The following SRP72 variants were observed in gnomAD, a reference collection of about 807,000 sequenced individuals.
The protein encoded by SRP72 is signal recognition particle 72, also known as signal recognition particle subunit SRP72.
A neutral mutation model predicts 96.3 loss-of-function variants in SRP72; 49 were observed. The observed-to-expected ratio is 0.51, with a 90% CI of 0.40 to 0.65. The LOEUF is 0.65. SRP72 is among the 30% of genes least tolerant of loss of function. The pLI is 0.00. For missense variants in SRP72, 736 were observed against 793.3 expected, an observed-to-expected ratio of 0.93 and a Z score of 0.87; for synonymous variants, 267 against 275.2, an observed-to-expected ratio of 0.97 and a Z score of 0.30.
At chr4:56,486,140 C>T (rs1480556841) in intron 10 of SRP72, 185 bp from the exon 11 acceptor site, 2 of 497,382 alleles carry the variant, frequency 4.0e-6, no homozygotes, top group Non-Finnish European at 7.3e-6. Context: ...ACTTTTAGAG[C>T]ATACCTTTAA....
chr4:56,494,694 G>A (rs1721019256), intron 16 of SRP72, among the ~76,000 whole-genome samples: 1 of 152,010 alleles, frequency 6.6e-6, no homozygotes, highest in Admixed American at 6.6e-5. Context: ...GTGAGCCACT[G>A]TTCCCAGCCA....
At chr4:56,500,470 T>C (rs1721224670) in intron 17 of SRP72, 66 bp from the exon 18 acceptor site, 1 of 1,492,734 alleles carries the variant, frequency 6.7e-7, no homozygotes, top group African/African-American at 1.4e-5. Context: ...CTTAGAGACA[T>C]CGTTTAAACA....
At chr4:56,484,004 A>C (rs912736974) in intron 9 of SRP72, among the ~76,000 whole-genome samples, 11 of 141,966 alleles carry the variant, frequency 7.7e-5, no homozygotes, top group Non-Finnish European at 1.4e-4. Flanking sequence ...CAGAAGTTTT[A>C]GTGGGAGACA....
chr4:56,483,949 T>C lies in SRP72; in HGVS notation c.957+679T>C, dbSNP rs10016054. 6.4e-3 allele frequency among the ~76,000 whole-genome samples: 974 copies of C among 151,778 alleles called. 13 individuals are homozygous for C. Among genetic ancestry groups the C allele is most frequent in the African/African-American group, 0.022 (922 of 41,382 alleles). On this transcript the variant is annotated intron_variant, in intron 9 of 18. Coordinates refer to ENST00000642900, the MANE Select transcript of SRP72 (RefSeq NM_006947.4). ...TTATAAATGTTAAGGAAGTCAATTC[T>C]AACTCCAGTAAGCATTCTAATTCTA...
intron 5 of SRP72, 192 bp downstream of exon 5, chr4:56,474,583 G>T: frequency 1.7e-6 from 1 of 603,390 alleles, no homozygotes; most frequent in African/African-American, 1.9e-5. Flanking sequence ...TTACCCTGTT[G>T]CCCAGGCTGG....
chr4:56,491,398 ATAT>A (rs756641575), intron 15 of SRP72, 30 bp from the exon 16 acceptor site: 2 of 1,606,890 alleles, frequency 1.2e-6, no homozygotes, highest in Non-Finnish European at 1.7e-6. Flanking sequence ...GTGTTTGTGT[ATAT>A]TATGTTCCTG....
In SRP72 at chr4:56,471,814, G is replaced by C; in HGVS notation, c.325G>C (p.Asp109His). ...KTIESANQQT[D>H]KLKELYGQVL... ...AATAGAAAGTGCCAACCAGCAGACA[G>C]ACAAACTGAAGGAGCTTTATGGACA... The change falls in exon 3 of 19, where the codon GAC (aspartate) becomes CAC (histidine). Residue 109 changes from aspartate to histidine, a missense_variant. Asp to His is a moderately conservative substitution (Grantham distance 81). This residue lies in a region of SRP72 where 329 missense variants were observed against 319.0 expected (regional missense o/e 1.03). Coordinates refer to ENST00000642900, the MANE Select transcript of SRP72 (RefSeq NM_006947.4). 1 of 1,613,988 alleles carries C rather than the reference G, an allele frequency of 6.2e-7. No homozygotes were observed. Among genetic ancestry groups the C allele is most frequent in the Non-Finnish European group, 8.5e-7 (1 of 1,179,956 alleles).
intron 1 of SRP72, among the ~76,000 whole-genome samples, 178 bp downstream of exon 1, chr4:56,467,922 G>C (rs1719806953): frequency 6.6e-6 from 1 of 152,124 alleles, no homozygotes; most frequent in Admixed American, 6.5e-5. Context: ...CTCACTCCTC[G>C]GCTTCACCAG....
At chr4:56,497,489 G>C (rs1721118132) in intron 17 of SRP72, among the ~76,000 whole-genome samples, 2 of 152,014 alleles carry the variant, frequency 1.3e-5, no homozygotes, top group African/African-American at 2.4e-5. Flanking sequence ...AAAGTGCTGG[G>C]ATTACAGGCG....
At chr4:56,477,566 T>C (rs959370609) in intron 6 of SRP72, among the ~76,000 whole-genome samples, 5 of 152,132 alleles carry the variant, frequency 3.3e-5, no homozygotes, top group Non-Finnish European at 5.9e-5. Context: ...GCACTGAGAT[T>C]ACAGGCGTGA....
At position 56,469,469 on chromosome 4, in the gene SRP72, C is replaced by G. The variant is rs141498751; in HGVS notation, c.110-184C>G. ...TTATTGTCACTTCTTAAGTTAAAAG[C>G]AAAGATTAGTTGTTTTCTGGGTTTG... On this transcript the variant is annotated intron_variant, in intron 1 of 18. Transcript: ENST00000642900. Among the ~76,000 whole-genome samples, 373 of 152,230 alleles carry G rather than the reference C, an allele frequency of 2.5e-3. 3 individuals are homozygous for G. Among genetic ancestry groups the G allele is most frequent in the African/African-American group, 8.6e-3 (356 of 41,536 alleles).
intron 8 of SRP72, among the ~76,000 whole-genome samples, chr4:56,481,252 G>T (rs980072603): frequency 1.3e-5 from 2 of 152,050 alleles, no homozygotes; most frequent in African/African-American, 4.8e-5. Context: ...CTTCCTTTTT[G>T]TCTTTAAACT....
intron 12 of SRP72, 26 bp downstream of exon 12, chr4:56,488,039 A>C: frequency 6.5e-7 from 1 of 1,530,288 alleles, no homozygotes; most frequent in Non-Finnish European, 8.9e-7. Flanking sequence ...TACAAAATTG[A>C]AAAGTAGTTG....
intron 17 of SRP72, 91 bp downstream of exon 17, chr4:56,495,485 C>A: frequency 2.7e-6 from 2 of 752,366 alleles, no homozygotes; most frequent in Non-Finnish European, 4.2e-6. Flanking sequence ...AAATATACTG[C>A]CCTCCCTTGT....
intron 1 of SRP72, among the ~76,000 whole-genome samples, chr4:56,469,330 T>G (rs1719871331): frequency 6.6e-6 from 1 of 152,216 alleles, no homozygotes; most frequent in African/African-American, 2.4e-5. Context: ...TAGCATGCAT[T>G]TCAAGATGAA....
Position 56,488,289 on chromosome 4 carries a change from A to G in SRP72, c.1224+276A>G, listed in dbSNP as rs116364781. On this transcript the variant is annotated intron_variant, in intron 12 of 18. Transcript: ENST00000642900. ...GATCTGTATAGGAATTTCTTAGCCTATATCATTTTCGTCAGTGTGATTTCT... is the reference window on the plus strand; with the variant it reads ...GATCTGTATAGGAATTTCTTAGCCTGTATCATTTTCGTCAGTGTGATTTCT... Among the ~76,000 whole-genome samples the G allele has an allele frequency of 4.5e-3, 679 of 152,312 alleles. 7 individuals carry two copies. The highest frequency in any genetic ancestry group is 0.016 in the African/African-American group (653 of 41,566).
Position 56,501,705 on chromosome 4 carries a change from C to T in SRP72, c.1860C>T (p.Ser620=). 1 of 1,613,660 alleles carries T rather than the reference C, an allele frequency of 6.2e-7. No homozygotes were observed. Among genetic ancestry groups the T allele is most frequent in the Non-Finnish European group, 8.5e-7 (1 of 1,179,888 alleles). Residue 620 remains serine, a synonymous_variant, in exon 19 of 19, where the codon AGC becomes AGT. Coordinates refer to ENST00000642900, the MANE Select transcript of SRP72 (RefSeq NM_006947.4). ...TCAGGGATGCCAGTAAAACTGTGAG[C>T]AGCCCACCCACCTCCCCAAGACCTG... ...SSELDASKTV[S]SPPTSPRPGS...
Position 56,496,174 on chromosome 4 carries a change from C to T in SRP72, c.1678+780C>T, listed in dbSNP as rs535353465. Among the ~76,000 whole-genome samples the T allele has an allele frequency of 4.6e-5, 7 of 152,270 alleles. No homozygotes were observed. In the South Asian group the frequency reaches 1.2e-3, roughly 27 times the overall value. On this transcript the variant is annotated intron_variant, in intron 17 of 18. Coordinates refer to ENST00000642900, the MANE Select transcript of SRP72 (RefSeq NM_006947.4). ...TAGTCAGATGTTATCCTTGGAGCCA[C>T]CCAAGTTCCTGAGGTTTTGAGGAAT...
intron 3 of SRP72, among the ~76,000 whole-genome samples, 172 bp from the exon 4 acceptor site, chr4:56,473,882 A>G (rs986022156): frequency 3.9e-5 from 6 of 152,276 alleles, no homozygotes; most frequent in Admixed American, 2.6e-4. Flanking sequence ...AATTTATTTG[A>G]AAGTATGACT....
Sources: allele counts gnomAD v4.1 joint callset (sites outside exome capture counted in the v4.1 genomes callset), GRCh38; gene constraint gnomAD v4.1.1; regional missense constraint gnomAD v4.1.1; transcripts MANE v1.5; gene names NCBI Gene and HGNC (gene_info 2026-07-23, HGNC 2026-07-21).